Variants in UGT2B28 observed in about 807,000 individuals in gnomAD.
UGT2B28 encodes the protein UDP glucuronosyltransferase family 2 member B28, also known as UDP-glucuronosyltransferase 2B28.
In UGT2B28, 45 loss-of-function variants were observed where a neutral mutation model predicts 43.6. That is an observed-to-expected ratio of 1.03 (90% CI 0.81 to 1.32). The LOEUF is 1.32. Ranked by LOEUF, UGT2B28 falls within the 40% of genes most tolerant of loss-of-function variation. UGT2B28 has a pLI of 0.00. For synonymous variants in UGT2B28, 204 were observed against 208.1 expected (o/e 0.98, Z 0.17); for missense variants, 649 against 625.5 (o/e 1.04, Z -0.40).
At position 69,283,098 on chromosome 4, in the gene UGT2B28, A is replaced by C. The variant is rs1322108436; in HGVS notation, c.870+436A>C. On this transcript the variant is annotated intron_variant, in intron 2 of 5. Coordinates refer to ENST00000335568, the MANE Select transcript of UGT2B28 (RefSeq NM_053039.2). Reference sequence around the variant, plus strand: ...AATGTTTTAAAAAACTATTATCTCAAGGAAAAACCCAATATCAAGAAAGCA... The same window carrying C: ...AATGTTTTAAAAAACTATTATCTCACGGAAAAACCCAATATCAAGAAAGCA... Among the ~76,000 whole-genome samples the C allele has an allele frequency of 2.0e-4, 28 of 140,606 alleles. 4 individuals carry two copies. The East Asian group carries it at 5.3e-3, about 27-fold the overall frequency. The allele number at this position is 140,606 out of a possible 152,430, so 92.2% of individuals were successfully genotyped here. A position where few individuals can be genotyped will look rare whatever the true frequency, so the allele number is the denominator to read the frequency against.
chr4:69,286,636 T>G (rs912550311), intron 2 of UGT2B28, 116 bp from the exon 3 acceptor site: 1 of 1,358,344 alleles, frequency 7.4e-7, no homozygotes, highest in Non-Finnish European at 9.8e-7. Flanking sequence ...AAAATATTAT[T>G]TACTCCAATA....
intron 5 of UGT2B28, among the ~76,000 whole-genome samples, chr4:69,291,871 T>C (rs1723964813): frequency 7.1e-6 from 1 of 140,222 alleles, no homozygotes; most frequent in Non-Finnish European, 1.5e-5. Context: ...CACACTGTTG[T>C]CAAACCCCTT....
intron 2 of UGT2B28, 40 bp from the exon 3 acceptor site, chr4:69,286,712 T>A: frequency 6.5e-7 from 1 of 1,545,754 alleles, no homozygotes; most frequent in Non-Finnish European, 8.7e-7. Context: ...GTGCCTGCTG[T>A]GGTGATACTC....
In UGT2B28 at chr4:69,287,845, G is replaced by C. The variant is rs1723824069; in HGVS notation, c.1002+962G>C. On this transcript the variant is annotated intron_variant, in intron 3 of 5. Transcript: ENST00000335568. ...ACTTTTTAATTTCCTATCTGATAAA[G>C]CTTTCTTGTAATGACCTCTAACTTT... 1.4e-5 allele frequency among the ~76,000 whole-genome samples: 2 copies of C among 140,650 alleles called. 1 individual carries two copies. The highest frequency in any genetic ancestry group is 5.6e-5 in the African/African-American group (2 of 36,032). The allele number at this position is 140,650 out of a possible 152,430, so 92.3% of individuals were successfully genotyped here.
intron 2 of UGT2B28, among the ~76,000 whole-genome samples, chr4:69,283,011 G>GAC (rs1479530547): frequency 5.7e-5 from 8 of 140,286 alleles, no homozygotes; most frequent in Non-Finnish European, 1.2e-4. Context: ...AAAAAAAATA[G>GAC]ACAGTTTCCG....
At chr4:69,293,433 G>A (rs866915457) in intron 5 of UGT2B28, among the ~76,000 whole-genome samples, 4 of 140,032 alleles carry the variant, frequency 2.9e-5, no homozygotes, top group Non-Finnish European at 4.6e-5. Flanking sequence ...ATATTTAAAT[G>A]TATATTTTAT....
rs190078881 is a variant in UGT2B28 at position 69,284,414 on chromosome 4, C to T, written c.870+1752C>T. The stretch of plus-strand genomic sequence containing the variant: ...TCAACCTCTTAAAAGAACATTTTTG[C>T]TTACATAAAACTGATATTTTATTCC... On this transcript the variant is annotated intron_variant, in intron 2 of 5. Coordinates refer to ENST00000335568, the MANE Select transcript of UGT2B28 (RefSeq NM_053039.2). 3.2e-3 allele frequency among the ~76,000 whole-genome samples: 444 copies of T among 140,528 alleles called. 73 individuals carry two copies. Among genetic ancestry groups the T allele is most frequent in the Admixed American group, 4.3e-3 (60 of 14,012 alleles). The allele number at this position is 140,528 out of a possible 152,430, so 92.2% of individuals were successfully genotyped here.
Position 69,286,901 on chromosome 4 carries a change from A to T in UGT2B28, c.1002+18A>T, listed in dbSNP as rs753937453. The T allele has an allele frequency of 1.9e-6, 3 of 1,550,780 alleles. 1 individual carries two copies. The highest frequency in any genetic ancestry group is 2.6e-6 in the Non-Finnish European group (3 of 1,151,678). Reference sequence around the variant, plus strand: ...CACAAAAGGTAAGATAAAGTGCCTTACTGGTGTGGAAAACTACTGAAAGAG... The same window carrying T: ...CACAAAAGGTAAGATAAAGTGCCTTTCTGGTGTGGAAAACTACTGAAAGAG... On this transcript the variant is annotated intron_variant, in intron 3 of 5. Transcript: ENST00000335568.
chr4:69,280,551 C>T lies in UGT2B28; in HGVS notation c.51C>T (p.Tyr17=), dbSNP rs1257401766. The T allele has an allele frequency of 1.3e-6, 2 of 1,559,860 alleles. No individual in the cohort carries two copies. Among genetic ancestry groups the T allele is most frequent in the African/African-American group, 3.0e-5 (2 of 66,006 alleles). Residue 17 remains tyrosine, a synonymous_variant, in exon 1 of 6, where the codon TAC becomes TAT. Coordinates refer to ENST00000335568, the MANE Select transcript of UGT2B28 (RefSeq NM_053039.2). ...SVLLLIHLGC[Y]FSSGSCGKVL... ...TTCTGCTGATACATCTCGGTTGTTACTTTAGCTCTGGGAGTTGTGGAAAGG... is the reference window on the plus strand; with the variant it reads ...TTCTGCTGATACATCTCGGTTGTTATTTTAGCTCTGGGAGTTGTGGAAAGG...
chr4:69,286,976 A>G, intron 3 of UGT2B28, 93 bp downstream of exon 3: 1 of 1,497,678 alleles, frequency 6.7e-7, no homozygotes, highest in East Asian at 2.4e-5. Flanking sequence ...GCTAGACTGA[A>G]CTCTTTACAG....
intron 5 of UGT2B28, among the ~76,000 whole-genome samples, chr4:69,292,633 A>G (rs1723986672): frequency 7.1e-6 from 1 of 140,250 alleles, no homozygotes; most frequent in South Asian, 2.4e-4. Flanking sequence ...ATACAAACAC[A>G]TATATACATA....
rs186645465 is a variant in UGT2B28 at position 69,287,431 on chromosome 4, T to C, written c.1002+548T>C. The stretch of plus-strand genomic sequence containing the variant: ...CTTACTCTTGGACCACCTCTATTAC[T>C]TATTGTACTCTGGAAGCTCTTGGTG... On this transcript the variant is annotated intron_variant, in intron 3 of 5. Coordinates refer to ENST00000335568, the MANE Select transcript of UGT2B28 (RefSeq NM_053039.2). Among the ~76,000 whole-genome samples the C allele has an allele frequency of 3.0e-3, 430 of 141,046 alleles. 51 individuals are homozygous for C. The highest frequency in any genetic ancestry group is 0.014 in the Middle Eastern group (4 of 278). 92.5% of individuals were successfully genotyped at this position (141,046 alleles called of 152,430 possible). A position where few individuals can be genotyped will look rare whatever the true frequency, so the allele number is the denominator to read the frequency against.
chr4:69,292,552 A>G lies in UGT2B28; in HGVS notation c.1310+1741A>G, dbSNP rs1372884521. On this transcript the variant is annotated intron_variant, in intron 5 of 5. Coordinates refer to ENST00000335568, the MANE Select transcript of UGT2B28 (RefSeq NM_053039.2). ...CTAAACAGACTTTTAATAAAAGAGCAAATAATGAGTAAGGACATAAAACAC... is the reference window on the plus strand; with the variant it reads ...CTAAACAGACTTTTAATAAAAGAGCGAATAATGAGTAAGGACATAAAACAC... Among the ~76,000 whole-genome samples, 12 of 141,162 alleles carry G rather than the reference A, an allele frequency of 8.5e-5. 1 individual carries two copies. The highest frequency in any genetic ancestry group is 1.4e-4 in the Non-Finnish European group (9 of 65,778). The allele number at this position is 141,162 out of a possible 152,430, so 92.6% of individuals were successfully genotyped here. A position where few individuals can be genotyped will look rare whatever the true frequency, so the allele number is the denominator to read the frequency against.
Position 69,289,715 on chromosome 4 carries a change from T to C in UGT2B28, c.1053T>C (p.Thr351=), listed in dbSNP as rs761425573. 3.3e-5 allele frequency: 51 copies of C among 1,562,800 alleles called. 2 individuals are homozygous for C. The highest frequency in any genetic ancestry group is 4.3e-5 in the Non-Finnish European group (50 of 1,157,946). ...AACCAGATGCCTTAGGTCTCAATAC[T>C]CGGCTGTATAAGTGGATACCCCAGA... ...GNKPDALGLN[T]RLYKWIPQND... is the part of the protein sequence containing the mutation. Residue 351 remains threonine (T), a synonymous_variant, in exon 4 of 6, where the codon ACT becomes ACC. Transcript: ENST00000335568.
At position 69,289,457 on chromosome 4, in the gene UGT2B28, G is replaced by A. The variant is rs774480928; in HGVS notation, c.1003-208G>A. Among the ~76,000 whole-genome samples, 15 of 139,946 alleles carry A rather than the reference G, an allele frequency of 1.1e-4. 1 individual carries two copies. The highest frequency in any genetic ancestry group is 2.1e-4 in the Non-Finnish European group (14 of 65,538). 91.8% of individuals were successfully genotyped at this position (139,946 alleles called of 152,430 possible). On this transcript the variant is annotated intron_variant, in intron 3 of 5. Transcript: ENST00000335568. The stretch of plus-strand genomic sequence containing the variant: ...TCATTGATAATCTTATTTTTCTACG[G>A]TACTATTTTGGAAAATAATGGTTTC...
Position 69,281,134 on chromosome 4 carries a change from A to C in UGT2B28, c.634A>C (p.Lys212Gln), listed in dbSNP as rs573870440. ...TCAAATGACTTTCATGGAGAGGGTA[A>C]AAAACATGATCTATGTGCTTTATTT... ...SDQMTFMERV[K>Q]NMIYVLYFDF... The change falls in exon 1 of 6, where the codon AAA (lysine) becomes CAA (glutamine). Residue 212 changes from lysine (K) to glutamine (Q), a missense_variant. Transcript: ENST00000335568. 6.4e-7 allele frequency: 1 copy of C among 1,558,070 alleles called. No homozygotes were observed. Among genetic ancestry groups the C allele is most frequent in the Non-Finnish European group, 8.7e-7 (1 of 1,154,916 alleles).
At chr4:69,284,663 A>G (rs1723718053) in intron 2 of UGT2B28, among the ~76,000 whole-genome samples, 1 of 140,536 alleles carries the variant, frequency 7.1e-6, no homozygotes, top group South Asian at 2.4e-4. Flanking sequence ...GACTAGTAGT[A>G]CAATAGTGGT....
intron 2 of UGT2B28, among the ~76,000 whole-genome samples, chr4:69,283,474 C>T (rs1723682049): frequency 7.1e-6 from 1 of 139,966 alleles, no homozygotes; most frequent in African/African-American, 2.8e-5. Flanking sequence ...AAGGGCCACA[C>T]TGTAAAGAGC....
rs775849693 is a variant in UGT2B28 at position 69,290,850 on chromosome 4, G to A, written c.1310+39G>A. 59 of 1,535,480 alleles carry A rather than the reference G, an allele frequency of 3.8e-5. 9 individuals are homozygous for A. The highest frequency in any genetic ancestry group is 4.8e-5 in the Non-Finnish European group (55 of 1,140,556). Reference sequence around the variant, plus strand: ...TATTTTTCACTAGGTGGTATTTGTAGATAGCTTCTCTTTTCAATAGTGAGC... The same window carrying A: ...TATTTTTCACTAGGTGGTATTTGTAAATAGCTTCTCTTTTCAATAGTGAGC... On this transcript the variant is annotated intron_variant, in intron 5 of 5. Transcript: ENST00000335568.
Sources: allele counts gnomAD v4.1 joint callset (sites outside exome capture counted in the v4.1 genomes callset), GRCh38; gene constraint gnomAD v4.1.1; transcripts MANE v1.5; gene names NCBI Gene and HGNC (gene_info 2026-07-23, HGNC 2026-07-21).